APOLD1: variants seen among roughly 807,000 people sequenced by gnomAD.
The protein encoded by APOLD1 is apolipoprotein L domain-containing protein 1.
APOLD1 carries 22 observed loss-of-function variants against 15.3 expected under a neutral mutation model. The ratio of observed to expected loss-of-function variants is 1.44; its 90% CI spans 1.03 to 2.05. APOLD1 has a LOEUF of 2.05. Among genes scored for constraint, APOLD1 ranks in the 30% most tolerant of loss-of-function variants. The pLI is 0.00. For missense variants in APOLD1, 394 were observed against 353.5 expected (o/e 1.11, Z -0.92); for synonymous variants, 190 against 167.4 (o/e 1.13, Z -1.04).
chr12:12,761,862 G>GAGAGAGAGAGAGAGAC, intron 1 of APOLD1, among the ~76,000 whole-genome samples: 4 of 146,704 alleles, frequency 2.7e-5, no homozygotes, highest in South Asian at 2.2e-4. Context: ...GAGAGAGAGA[G>GAGAGAGAGAGAGAGAC]TCTTGCTCTG....
chr12:12,766,390 G>C (rs1291230492), intron 1 of APOLD1, among the ~76,000 whole-genome samples: 1 of 152,134 alleles, frequency 6.6e-6, no homozygotes, highest in Non-Finnish European at 1.5e-5. Context: ...GGTTAAGGTG[G>C]GGGCCATAAG....
chr12:12,733,639 G>T (rs1592288553), intron 1 of APOLD1, among the ~76,000 whole-genome samples: 1 of 152,140 alleles, frequency 6.6e-6, no homozygotes, highest in East Asian at 1.9e-4. Flanking sequence ...GTTTCGCTCT[G>T]TTGCCGAGGC....
rs540474536 is a variant in APOLD1 at position 12,746,137 on chromosome 12, A to G, written c.96+20041A>G. On this transcript the variant is annotated intron_variant, in intron 1 of 1. Transcript: ENST00000326765. Reference sequence around the variant, plus strand: ...GAGTGACCAAGAGAGAACAAAAGGAAGGGTGGTGGGAATCCAAGAAGGCTT... The same window carrying G: ...GAGTGACCAAGAGAGAACAAAAGGAGGGGTGGTGGGAATCCAAGAAGGCTT... Among the ~76,000 whole-genome samples the G allele has an allele frequency of 9.9e-5, 15 of 152,250 alleles. No homozygotes were observed. The South Asian group carries it at 3.1e-3, about 32-fold the overall frequency.
At chr12:12,769,541 G>T (rs974897498) in intron 1 of APOLD1, among the ~76,000 whole-genome samples, 1 of 149,210 alleles carries the variant, frequency 6.7e-6, no homozygotes, top group South Asian at 2.1e-4. Context: ...ACCTCCAGGG[G>T]CTCTACTAGG....
chr12:12,780,680 C>T (rs1442449169), upstream of APOLD1, among the ~76,000 whole-genome samples: 1 of 148,674 alleles, frequency 6.7e-6, no homozygotes, highest in Admixed American at 6.8e-5. Flanking sequence ...CCTCTGCCTC[C>T]GGGGCTCAAG....
intron 1 of APOLD1, among the ~76,000 whole-genome samples, chr12:12,727,942 T>G (rs1946606148): frequency 6.6e-6 from 1 of 151,654 alleles, no homozygotes. Flanking sequence ...ATCTAACACC[T>G]ACTGTTTAAT....
intron 1 of APOLD1, among the ~76,000 whole-genome samples, chr12:12,772,822 A>T (rs1484367271): frequency 3.3e-5 from 5 of 152,256 alleles, no homozygotes; most frequent in Non-Finnish European, 7.3e-5. Context: ...CTAGATATTA[A>T]TAACAGAAAG....
chr12:12,765,192 A>C (rs1053548933), intron 1 of APOLD1, among the ~76,000 whole-genome samples: 1 of 152,116 alleles, frequency 6.6e-6, no homozygotes, highest in African/African-American at 2.4e-5. Flanking sequence ...TGGAAGGTGA[A>C]GAGGAACCAG....
At chr12:12,734,349 C>A (rs1946666787) in intron 1 of APOLD1, among the ~76,000 whole-genome samples, 1 of 152,210 alleles carries the variant, frequency 6.6e-6, no homozygotes, top group Non-Finnish European at 1.5e-5. Flanking sequence ...GGACATAGTG[C>A]TGGGAAAATA....
chr12:12,761,830 T>TAG (rs6144616), intron 1 of APOLD1, among the ~76,000 whole-genome samples: 10,134 of 114,566 alleles, frequency 0.088, 625 homozygotes, highest in Middle Eastern at 0.16. Context: ...TGTATATGTA[T>TAG]AGAGAGAGAG....
Position 12,787,261 on chromosome 12 carries a change from G to T in APOLD1, c.356G>T (p.Arg119Met). Reference sequence around the variant, plus strand: ...TTCTGCAACTCCCGGGAGCTGCGGAGGGTGCAGGAGATCGCGGCCACCTGC... The same window carrying T: ...TTCTGCAACTCCCGGGAGCTGCGGATGGTGCAGGAGATCGCGGCCACCTGC... ...LIFCNSRELR[R>M]VQEIAATCQD... Residue 119 changes from arginine (R) to methionine (M), a missense_variant, in exon 2 of 2, where the codon AGG (arginine) becomes ATG (methionine). Coordinates refer to ENST00000356591, the MANE Select transcript of APOLD1 (RefSeq NM_030817.3). The surrounding 1 kb of genome is among the most constrained non-coding windows in gnomAD (Gnocchi z 4.9). 1 of 1,587,184 alleles carries T rather than the reference G, an allele frequency of 6.3e-7. No homozygotes were observed. The highest frequency in any genetic ancestry group is 1.1e-5 in the South Asian group (1 of 88,088).
At chr12:12,786,671 T>G (rs1947127056) in intron 1 of APOLD1, 1 of 985,290 alleles carries the variant, frequency 1.0e-6, no homozygotes, top group Non-Finnish European at 1.2e-6. Flanking sequence ...AAGATAGCAT[T>G]ATTCCTATTT....
Position 12,753,801 on chromosome 12 carries a change from C to T in APOLD1, c.96+27705C>T, listed in dbSNP as rs549593945. ...GAAACTACAAAGTCCCTACAAATAG[C>T]ACGAAATTTGTGAATAGAAAAGATA... On this transcript the variant is annotated intron_variant, in intron 1 of 1. Coordinates refer to the APOLD1 transcript ENST00000326765. Among the ~76,000 whole-genome samples, 15 of 152,178 alleles carry T rather than the reference C, an allele frequency of 9.9e-5. No individual in the cohort carries two copies. The East Asian group carries it at 2.9e-3, about 29-fold the overall frequency.
chr12:12,727,563 T>G lies in APOLD1; in HGVS notation c.96+1467T>G. ...TCTCAAATTAAAGTGAGACCCAAAC[T>G]CAGCCTCTGAAAGCTTTATTATTTA... On this transcript the variant is annotated intron_variant, in intron 1 of 1. Coordinates refer to the APOLD1 transcript ENST00000326765. Among the ~76,000 whole-genome samples the G allele has an allele frequency of 2.0e-5, 3 of 152,188 alleles. No homozygotes were observed. The Middle Eastern group carries it at 0.01, about 518-fold the overall frequency.
At chr12:12,761,804 TGAACATATAC>T (rs1565432717) in intron 1 of APOLD1, among the ~76,000 whole-genome samples, 6 of 141,012 alleles carry the variant, frequency 4.3e-5, no homozygotes, top group South Asian at 4.8e-4. Flanking sequence ...TATATATACA[TGAACATATAC>T]ATATATGTAT....
chr12:12,726,750 A>G (rs1219226156), intron 1 of APOLD1, among the ~76,000 whole-genome samples: 2 of 152,130 alleles, frequency 1.3e-5, no homozygotes, highest in Non-Finnish European at 2.9e-5. Context: ...ATTAAGGTCC[A>G]TGAAAGACCA....
In APOLD1 at chr12:12,790,330, A is replaced by T. The variant is rs2136405142; in HGVS notation, c.*2678A>T. ...AGATGCTAGCATTTTAGATCAAACA[A>T]TTCATTTTAGATGAATTGTTTTGTT... On this transcript the variant is annotated 3_prime_UTR_variant, in exon 2 of 2. Transcript: ENST00000356591. 6.6e-6 allele frequency: 1 copy of T among 152,316 alleles called. No individual in the cohort carries two copies. The highest frequency in any genetic ancestry group is 6.5e-5 in the Admixed American group (1 of 15,304). 9.4% of individuals were successfully genotyped at this position (152,316 alleles called of 1,614,324 possible).
chr12:12,778,746 A>G (rs1053824259), intron 1 of APOLD1, among the ~76,000 whole-genome samples: 15 of 152,210 alleles, frequency 9.9e-5, no homozygotes, highest in African/African-American at 3.4e-4. Context: ...CTTCCAAAAC[A>G]TATTCTGTAC....
At chr12:12,731,332 A>G (rs1946640135) in intron 1 of APOLD1, among the ~76,000 whole-genome samples, 1 of 152,248 alleles carries the variant, frequency 6.6e-6, no homozygotes, top group African/African-American at 2.4e-5. Flanking sequence ...AGAGAATTAG[A>G]TATGCAAAAA....
Sources: gnomAD v4.1 joint callset for allele counts (sites outside exome capture counted in the v4.1 genomes callset) on GRCh38, gnomAD v4.1.1 for gene constraint, Gnocchi (gnomAD v3.1) non-coding constraint, MANE v1.5 for transcripts, NCBI Gene and HGNC (gene_info 2026-07-23, HGNC 2026-07-21) for gene names.